ATP9B: variants seen among roughly 807,000 people sequenced by gnomAD.
The protein encoded by ATP9B is ATPase phospholipid transporting 9B, also known as probable phospholipid-transporting ATPase IIB.
A neutral mutation model predicts 146.1 loss-of-function variants in ATP9B; 110 were observed. The observed-to-expected ratio is 0.75, with a 90% CI of 0.65 to 0.88. ATP9B has a LOEUF of 0.88. Ranked by LOEUF, ATP9B falls within the 40% of genes least tolerant of loss-of-function variation. The pLI, the probability that ATP9B is intolerant of heterozygous loss-of-function variation, is 0.00. For missense variants in ATP9B, 1,499 were observed against 1,496.4 expected, an observed-to-expected ratio of 1.00 and a Z score of -0.03; for synonymous variants, 604 against 569.7, an observed-to-expected ratio of 1.06 and a Z score of -0.86.
Position 79,079,823 on chromosome 18 carries a change from A to G in ATP9B, c.119+10294A>G, listed in dbSNP as rs1036811057. ...TAAGCCACCTTGAGTTAATTTTCGT[A>G]TAAGTTGTAAGGAAGGGGTCCAGTT... On this transcript the variant is annotated intron_variant, in intron 1 of 29. Transcript: ENST00000426216. Among the ~76,000 whole-genome samples the G allele has an allele frequency of 2.0e-5, 3 of 152,264 alleles. No individual in the cohort carries two copies. In the South Asian group the frequency reaches 6.2e-4, roughly 32 times the overall value.
At chr18:79,217,918 A>G (rs2095642861) in intron 11 of ATP9B, among the ~76,000 whole-genome samples, 1 of 152,246 alleles carries the variant, frequency 6.6e-6, no homozygotes, top group South Asian at 2.1e-4. Flanking sequence ...AAATGTTTCT[A>G]ACACTCAATT....
intron 1 of ATP9B, among the ~76,000 whole-genome samples, chr18:79,090,281 T>G (rs945564427): frequency 1.3e-5 from 2 of 152,222 alleles, no homozygotes; most frequent in Non-Finnish European, 2.9e-5. Context: ...TTATTTTTGG[T>G]ATATACCAAG....
At chr18:79,159,654 C>T (rs1316363772) in intron 7 of ATP9B, among the ~76,000 whole-genome samples, 2 of 152,286 alleles carry the variant, frequency 1.3e-5, no homozygotes, top group South Asian at 2.1e-4. Flanking sequence ...GGCGTTGAAA[C>T]GTGTCTCTAC....
chr18:79,168,596 A>G (rs2095021243), intron 7 of ATP9B, among the ~76,000 whole-genome samples: 1 of 152,108 alleles, frequency 6.6e-6, no homozygotes, highest in Admixed American at 6.5e-5. Context: ...GTCTCACAGG[A>G]CATCAGATAT....
intron 5 of ATP9B, among the ~76,000 whole-genome samples, chr18:79,137,924 G>A (rs1029867810): frequency 6.6e-6 from 1 of 152,188 alleles, no homozygotes; most frequent in Non-Finnish European, 1.5e-5. Context: ...TGTCACTAAT[G>A]TAGCACAGGT....
intron 1 of ATP9B, among the ~76,000 whole-genome samples, chr18:79,088,539 T>C (rs2074041616): frequency 1.3e-5 from 2 of 152,228 alleles, no homozygotes; most frequent in South Asian, 2.1e-4. Context: ...ATGCTGTCGA[T>C]AGTGGTTGGA....
At chr18:79,301,852 G>A (rs1030333923) in intron 13 of ATP9B, among the ~76,000 whole-genome samples, 1 of 152,152 alleles carries the variant, frequency 6.6e-6, no homozygotes, top group African/African-American at 2.4e-5. Context: ...TCTTCTAAGA[G>A]CATTTATCAA....
intron 21 of ATP9B, 84 bp downstream of exon 21, chr18:79,344,438 C>A: frequency 1.6e-6 from 2 of 1,272,826 alleles, no homozygotes; most frequent in Non-Finnish European, 2.3e-6. Context: ...GTTTGTCTCT[C>A]AGGCAAGGCT....
At chr18:79,123,600 G>T (rs930148117) in intron 4 of ATP9B, among the ~76,000 whole-genome samples, 5 of 151,966 alleles carry the variant, frequency 3.3e-5, no homozygotes, top group Non-Finnish European at 7.4e-5. Context: ...AATGCAAAGG[G>T]CTCAGAGTGG....
At chr18:79,193,121 A>C (rs1457820240) in intron 8 of ATP9B, 62 bp from the exon 9 acceptor site, 4 of 1,258,208 alleles carry the variant, frequency 3.2e-6, no homozygotes, top group African/African-American at 1.5e-5. Context: ...GCAAATGAGA[A>C]ATTTCCAAGT....
At chr18:79,154,629 GA>G in intron 7 of ATP9B, 74 bp downstream of exon 7, 4 of 988,192 alleles carry the variant, frequency 4.0e-6, no homozygotes, top group African/African-American at 3.4e-5. Flanking sequence ...TCTATACAAG[GA>G]AAAACTGTTT....
At chr18:79,290,177 G>A (rs1228905238) in intron 13 of ATP9B, among the ~76,000 whole-genome samples, 2 of 152,222 alleles carry the variant, frequency 1.3e-5, no homozygotes, top group East Asian at 3.9e-4. Context: ...GTCTGCAGAG[G>A]TTACTGCTGT....
intron 11 of ATP9B, among the ~76,000 whole-genome samples, chr18:79,246,280 C>G (rs1461429840): frequency 2.4e-5 from 2 of 83,640 alleles, no homozygotes; most frequent in Admixed American, 2.3e-4. Flanking sequence ...GAGGGCACCG[C>G]CCTACTGTCT....
rs60984427 is a variant in ATP9B at position 79,372,284 on chromosome 18, A to G, written c.3013-541A>G. 1.5e-3 allele frequency: 235 copies of G among 151,936 alleles called. 1 individual carries two copies. Among genetic ancestry groups the G allele is most frequent in the African/African-American group, 6.0e-3 (216 of 36,062 alleles). The allele number at this position is 151,936 out of a possible 1,614,324, so 9.4% of individuals were successfully genotyped here. ...CCTCGTCACCTGCCTTCAACTTCGC[A>G]GAGTGAAGGGCCTGGCGCAAGGACC... On this transcript the variant is annotated intron_variant, in intron 26 of 29. Transcript: ENST00000426216.
intron 5 of ATP9B, among the ~76,000 whole-genome samples, chr18:79,141,532 T>C (rs533100590): frequency 3.6e-4 from 55 of 152,360 alleles, no homozygotes; most frequent in African/African-American, 1.1e-3. Context: ...ATTTAAATAC[T>C]AGCATTTACA....
chr18:79,077,398 A>G (rs2072747042), intron 1 of ATP9B, among the ~76,000 whole-genome samples: 1 of 152,106 alleles, frequency 6.6e-6, no homozygotes, highest in Non-Finnish European at 1.5e-5. Flanking sequence ...TGCTAACAAT[A>G]CCTTGGCTGG....
intron 12 of ATP9B, chr18:79,254,128 A>G (rs756732456): frequency 2.6e-5 from 4 of 152,206 alleles, no homozygotes; most frequent in Non-Finnish European, 4.4e-5. Flanking sequence ...TAAGAAAGAT[A>G]TTCTTAATAT....
At chr18:79,214,184 A>C in intron 11 of ATP9B, 146 bp downstream of exon 11, 1 of 473,244 alleles carries the variant, frequency 2.1e-6, no homozygotes. Context: ...TACAATATGA[A>C]TTCTCCGTAT....
rs368000283 is a variant in ATP9B at position 79,222,358 on chromosome 18, C to CA, written c.1107+8332dup. ...TGGGCAACAGAGTGAGACTCCATCT[C>CA]AAAAAAAAAAAAGACACTTTGGCTG... On this transcript the variant is annotated intron_variant, in intron 11 of 29. Transcript: ENST00000426216. Among the ~76,000 whole-genome samples the CA allele has an allele frequency of 3.9e-3, 554 of 141,192 alleles. 2 individuals carry two copies. Among genetic ancestry groups the CA allele is most frequent in the South Asian group, 8.5e-3 (37 of 4,360 alleles). The allele number at this position is 141,192 out of a possible 152,430, so 92.6% of individuals were successfully genotyped here.
Sources: allele counts gnomAD v4.1 joint callset (sites outside exome capture counted in the v4.1 genomes callset), GRCh38; gene constraint gnomAD v4.1.1; transcripts MANE v1.5; gene names NCBI Gene and HGNC (gene_info 2026-07-23, HGNC 2026-07-21).